IPO7: variants seen among roughly 807,000 people sequenced by gnomAD.
IPO7 encodes importin 7, also known as importin-7.
A neutral mutation model predicts 136.4 loss-of-function variants in IPO7; 13 were observed. That is an observed-to-expected ratio of 0.10 (90% CI 0.06 to 0.15). The LOEUF (loss-of-function observed/expected upper bound fraction) is 0.15. Among genes scored for constraint, IPO7 ranks in the 10% least tolerant of loss-of-function variants. The pLI, the probability that IPO7 is intolerant of heterozygous loss-of-function variation, is 1.00. For synonymous variants in IPO7, 403 were observed against 404.4 expected, an observed-to-expected ratio of 1.00 and a Z score of 0.04; for missense variants, 857 against 1,240.6, an observed-to-expected ratio of 0.69 and a Z score of 4.65.
rs1202624576 is a variant in IPO7 at position 9,446,347 on chromosome 11, CACTT to C, written c.*1156_*1159del. On this transcript the variant is annotated 3_prime_UTR_variant, in exon 25 of 25. Transcript: ENST00000379719. The stretch of plus-strand genomic sequence containing the variant: ...CACACTTTACAAAATTGATATTTAA[CACTT>C]ACCCACTCCCCTTTCCCCATCTCTT... 1.3e-5 allele frequency: 2 copies of C among 152,256 alleles called. No homozygotes were observed. Among genetic ancestry groups the C allele is most frequent in the African/African-American group, 4.8e-5 (2 of 41,548 alleles). 9.4% of individuals were successfully genotyped at this position (152,256 alleles called of 1,614,324 possible).
At chr11:9,430,606 T>A in intron 15 of IPO7, 1 of 344,538 alleles carries the variant, frequency 2.9e-6, no homozygotes, top group East Asian at 4.7e-5. Flanking sequence ...TTTTTATACC[T>A]TGCCTCATTT....
intron 6 of IPO7, 26 bp downstream of exon 6, chr11:9,417,174 T>C: frequency 1.1e-6 from 1 of 928,440 alleles, no homozygotes. Context: ...TTCTCTTATA[T>C]TACTAAATGT....
intron 1 of IPO7, among the ~76,000 whole-genome samples, chr11:9,396,408 G>A (rs924335211): frequency 2.0e-5 from 3 of 152,108 alleles, no homozygotes; most frequent in Non-Finnish European, 2.9e-5. Flanking sequence ...AAACAAAGTC[G>A]TAAGTGCTTA....
chr11:9,432,634 T>C (rs1855312306), intron 16 of IPO7, among the ~76,000 whole-genome samples: 2 of 152,278 alleles, frequency 1.3e-5, no homozygotes, highest in South Asian at 2.1e-4. Flanking sequence ...AAGTTCTGTA[T>C]ATTTGAAATG....
intron 6 of IPO7, among the ~76,000 whole-genome samples, chr11:9,418,048 C>T (rs1855067009): frequency 6.7e-6 from 1 of 149,836 alleles, no homozygotes; most frequent in African/African-American, 2.4e-5. Flanking sequence ...GGGGAATTTA[C>T]AGATTACTGA....
intron 12 of IPO7, among the ~76,000 whole-genome samples, chr11:9,428,030 G>C (rs1855237309): frequency 1.3e-5 from 2 of 151,864 alleles, no homozygotes; most frequent in Non-Finnish European, 2.9e-5. Flanking sequence ...CCTTTTTAGA[G>C]AATCACTTGA....
At chr11:9,445,003 A>T (rs1855509421) in intron 24 of IPO7, 94 bp from the exon 25 acceptor site, 1 of 777,226 alleles carries the variant, frequency 1.3e-6, no homozygotes, top group Admixed American at 2.0e-5. Flanking sequence ...GCCACTAATG[A>T]TGGTTAAGCT....
At chr11:9,405,118 T>G (rs1361693995) in intron 2 of IPO7, among the ~76,000 whole-genome samples, 1 of 152,146 alleles carries the variant, frequency 6.6e-6, no homozygotes, top group Non-Finnish European at 1.5e-5. Flanking sequence ...TTATTATTAT[T>G]ATTTTTAGAC....
At chr11:9,384,904 C>G in intron 1 of IPO7, 57 bp downstream of exon 1, 1 of 1,398,558 alleles carries the variant, frequency 7.2e-7, no homozygotes, top group East Asian at 2.5e-5. Flanking sequence ...AAGTGGCAGG[C>G]CGAGCCCCCG....
chr11:9,394,350 A>G (rs549006878), intron 1 of IPO7, among the ~76,000 whole-genome samples: 11 of 150,096 alleles, frequency 7.3e-5, no homozygotes, highest in African/African-American at 2.2e-4. Context: ...TTCTTTTTCT[A>G]TTTTTTAAAG....
chr11:9,387,915 A>G (rs1365372827), intron 1 of IPO7, among the ~76,000 whole-genome samples: 1 of 150,970 alleles, frequency 6.6e-6, no homozygotes, highest in Non-Finnish European at 1.5e-5. Context: ...TGGGAGTCCG[A>G]GGCGGGCGGA....
At chr11:9,397,109 A>G (rs1390347523) in intron 1 of IPO7, among the ~76,000 whole-genome samples, 1 of 151,222 alleles carries the variant, frequency 6.6e-6, no homozygotes, top group Non-Finnish European at 1.5e-5. Context: ...CCAGCCAACA[A>G]AAACAGTGGT....
chr11:9,386,377 G>C (rs1854552419), intron 1 of IPO7, among the ~76,000 whole-genome samples: 1 of 152,258 alleles, frequency 6.6e-6, no homozygotes, highest in Non-Finnish European at 1.5e-5. Context: ...ACTATGGAAG[G>C]AGCAATGGAT....
intron 6 of IPO7, among the ~76,000 whole-genome samples, chr11:9,417,620 T>A (rs1855059175): frequency 6.6e-6 from 1 of 152,066 alleles, no homozygotes; most frequent in Admixed American, 6.5e-5. Context: ...ACTTGGTAGT[T>A]TTTAGTACAT....
At chr11:9,418,995 T>TAG (rs1855084167) in intron 6 of IPO7, among the ~76,000 whole-genome samples, 1 of 152,246 alleles carries the variant, frequency 6.6e-6, no homozygotes, top group Non-Finnish European at 1.5e-5. Flanking sequence ...TATCACAATT[T>TAG]ATGTATGTTG....
chr11:9,393,049 T>C (rs536906791), intron 1 of IPO7, among the ~76,000 whole-genome samples: 2 of 152,178 alleles, frequency 1.3e-5, no homozygotes, highest in East Asian at 3.9e-4. Context: ...GAAAACTGAT[T>C]TTGAAGACAT....
In IPO7 at chr11:9,441,800, A is replaced by T. The variant is rs532141032; in HGVS notation, c.2903-281A>T. On this transcript the variant is annotated intron_variant, in intron 23 of 24. Transcript: ENST00000379719. ...ATTCCTGAAGTCTCCCTGGTTTGTT[A>T]CTTACTATATAAGAACTAGTTAGGC... Among the ~76,000 whole-genome samples the T allele has an allele frequency of 2.0e-5, 3 of 152,184 alleles. No homozygotes were observed. In the South Asian group the frequency reaches 6.2e-4, roughly 32 times the overall value.
intron 5 of IPO7, 51 bp downstream of exon 5, chr11:9,414,462 C>T (rs752057392): frequency 2.8e-5 from 34 of 1,196,752 alleles, no homozygotes; most frequent in Non-Finnish European, 3.9e-5. Context: ...CTGTCATTTA[C>T]CGTGTTAAAA....
At position 9,446,132 on chromosome 11, in the gene IPO7, T is replaced by G. The variant is rs1429657504; in HGVS notation, c.*938T>G. ...TAAAAAAGGTGGTATCTAGAGCATGTAAATTGGATATAAAGTTCTGCTCTT... is the reference window on the plus strand; with the variant it reads ...TAAAAAAGGTGGTATCTAGAGCATGGAAATTGGATATAAAGTTCTGCTCTT... On this transcript the variant is annotated 3_prime_UTR_variant, in exon 25 of 25. Transcript: ENST00000379719. 1 of 152,250 alleles carries G rather than the reference T, an allele frequency of 6.6e-6. No individual in the cohort carries two copies. The highest frequency in any genetic ancestry group is 1.5e-5 in the Non-Finnish European group (1 of 68,036). 9.4% of individuals were successfully genotyped at this position (152,250 alleles called of 1,614,324 possible).
Sources: gnomAD v4.1 joint callset for allele counts (sites outside exome capture counted in the v4.1 genomes callset) on GRCh38, gnomAD v4.1.1 for gene constraint, MANE v1.5 for transcripts, NCBI Gene and HGNC (gene_info 2026-07-23, HGNC 2026-07-21) for gene names.